The following RIF1 variants were observed in gnomAD, a reference collection of about 807,000 sequenced individuals.
RIF1 encodes the protein telomere-associated protein RIF1.
A neutral mutation model predicts 247.1 loss-of-function variants in RIF1; 45 were observed. That is an observed-to-expected ratio of 0.18 (90% CI 0.14 to 0.23). The LOEUF (loss-of-function observed/expected upper bound fraction) is 0.23. Among genes scored for constraint, RIF1 ranks in the 10% least tolerant of loss-of-function variants. RIF1 has a pLI of 1.00. For synonymous variants in RIF1, 1,087 were observed against 978.8 expected, an observed-to-expected ratio of 1.11 and a Z score of -2.06; for missense variants, 2,967 against 2,862.5, an observed-to-expected ratio of 1.04 and a Z score of -0.83.
At chr2:151,531,051 TG>T in the RIF1 span, 1 of 1,613,688 alleles carries the variant, frequency 6.2e-7, no homozygotes, top group Non-Finnish European at 8.5e-7. Context: ...TGTCGTGGAT[TG>T]TGGTGTAGCC....
rs1288809704 is a variant in RIF1, at chr2:151,464,441, C to G, written c.4921C>G (p.Gln1641Glu). Residue 1641 changes from glutamine to glutamate, a missense_variant, in exon 30 of 36, where the codon CAA becomes GAA. Around this residue, in one of 7 missense-constraint regions of RIF1, gnomAD observed 2,028 missense variants for 1,825.6 expected, o/e 1.11. Transcript: ENST00000444746. ...TTCTACAGTAACTTCAGATTTGTTG[C>G]AAGTTCCTGATGATTTACCAAATGT... ...QDSTVTSDLL[Q>E]VPDDLPNVCE... 1.2e-6 allele frequency: 2 copies of G among 1,613,392 alleles called. No homozygotes were observed. Among genetic ancestry groups the G allele is most frequent in the East Asian group, 2.2e-5 (1 of 44,856 alleles).
chr2:151,520,831 T>C, the RIF1 span, among the ~76,000 whole-genome samples: 1 of 152,078 alleles, frequency 6.6e-6, no homozygotes, highest in African/African-American at 2.4e-5. Flanking sequence ...ACCACTGCAC[T>C]CCATCGTGGG....
chr2:151,459,456 A>G (rs1695779689), intron 25 of RIF1, among the ~76,000 whole-genome samples: 1 of 152,186 alleles, frequency 6.6e-6, no homozygotes, highest in Non-Finnish European at 1.5e-5. Flanking sequence ...AATTTTGTTT[A>G]GAATCTTTGG....
At chr2:151,431,244 A>G (rs1338778929) in intron 9 of RIF1, among the ~76,000 whole-genome samples, 1 of 152,158 alleles carries the variant, frequency 6.6e-6, no homozygotes, top group Non-Finnish European at 1.5e-5. Context: ...GAAGGAGGGA[A>G]GGCAGAAGAG....
chr2:151,450,451 T>A (rs554153191), intron 20 of RIF1, among the ~76,000 whole-genome samples: 7 of 152,326 alleles, frequency 4.6e-5, no homozygotes, highest in African/African-American at 1.7e-4. Flanking sequence ...CATTAGAGAT[T>A]AATGACTACT....
downstream of RIF1, among the ~76,000 whole-genome samples, chr2:151,511,764 G>T (rs2074553158): frequency 6.6e-6 from 1 of 152,164 alleles, no homozygotes; most frequent in South Asian, 2.1e-4. Context: ...GAAGATGATG[G>T]AGAGTTATTC....
At position 151,440,141 on chromosome 2, in the gene RIF1, C is replaced by G; in HGVS notation, c.1647+14C>G. ...TCAAAAACGCTGGTAAGTATAATAC[C>G]CGTATGTTGGACTTTAAAAACCATT... On this transcript the variant is annotated intron_variant, in intron 15 of 35. Coordinates refer to ENST00000444746, the MANE Select transcript of RIF1 (RefSeq NM_018151.5). 7.6e-7 allele frequency: 1 copy of G among 1,322,506 alleles called. No individual in the cohort carries two copies. Among genetic ancestry groups the G allele is most frequent in the Non-Finnish European group, 1.1e-6 (1 of 932,798 alleles). 81.9% of individuals were successfully genotyped at this position (1,322,506 alleles called of 1,614,324 possible). A position where few individuals can be genotyped will look rare whatever the true frequency, so the allele number is the denominator to read the frequency against.
rs1462242349 is a variant in RIF1, at chr2:151,481,941, A to G, written c.*6870A>G. 6.6e-6 allele frequency: 1 copy of G among 152,226 alleles called. No homozygotes were observed. Among genetic ancestry groups the G allele is most frequent in the Non-Finnish European group, 1.5e-5 (1 of 68,050 alleles). 9.4% of individuals were successfully genotyped at this position (152,226 alleles called of 1,614,324 possible). A position where few individuals can be genotyped will look rare whatever the true frequency, so the allele number is the denominator to read the frequency against. On this transcript the variant is annotated 3_prime_UTR_variant, in exon 36 of 36. Coordinates refer to ENST00000444746, the MANE Select transcript of RIF1 (RefSeq NM_018151.5). Reference sequence around the variant, plus strand: ...CTCCACGAAACCGGTCCCTGTTGAAAAAAGGTTAGGGGACCACTGCTTTAT... The same window carrying G: ...CTCCACGAAACCGGTCCCTGTTGAAGAAAGGTTAGGGGACCACTGCTTTAT...
rs1227898998 is a variant in RIF1, at chr2:151,476,112, A to G, written c.*1041A>G. 2.0e-5 allele frequency: 3 copies of G among 152,058 alleles called. No homozygotes were observed. The highest frequency in any genetic ancestry group is 7.3e-5 in the African/African-American group (3 of 41,368). The allele number at this position is 152,058 out of a possible 1,614,324, so 9.4% of individuals were successfully genotyped here. A position where few individuals can be genotyped will look rare whatever the true frequency, so the allele number is the denominator to read the frequency against. On this transcript the variant is annotated 3_prime_UTR_variant, in exon 36 of 36. Coordinates refer to ENST00000444746, the MANE Select transcript of RIF1 (RefSeq NM_018151.5). The stretch of plus-strand genomic sequence containing the variant: ...CTGTTCATACCCTTACCTTCTTACT[A>G]CTTTTGGTTTGGAGGAGGGTATCAC...
chr2:151,527,601 G>A, the RIF1 span: 21 of 1,588,020 alleles, frequency 1.3e-5, no homozygotes, highest in Non-Finnish European at 1.7e-5. Context: ...TTTAACAGGA[G>A]AGAAAGGAAT....
the RIF1 span, chr2:151,519,509 A>G: frequency 1.2e-5 from 8 of 654,524 alleles, no homozygotes; most frequent in Admixed American, 2.9e-5. Flanking sequence ...TAATGGTTAT[A>G]GTTTCTGTTG....
At chr2:151,471,792 G>C (rs1302831875) in intron 34 of RIF1, among the ~76,000 whole-genome samples, 1 of 152,158 alleles carries the variant, frequency 6.6e-6, no homozygotes, top group East Asian at 1.9e-4. Context: ...ATAGTTTGAA[G>C]TCAGGTAGCA....
chr2:151,508,430 G>A (rs774806722), downstream of RIF1, among the ~76,000 whole-genome samples: 2 of 152,214 alleles, frequency 1.3e-5, no homozygotes, highest in Non-Finnish European at 2.9e-5. Context: ...GAGGGAGATG[G>A]GGATGCCTCC....
At chr2:151,532,063 G>A in the RIF1 span, 1 of 581,312 alleles carries the variant, frequency 1.7e-6, no homozygotes, top group Admixed American at 3.1e-5. Flanking sequence ...AAAGTGAAAT[G>A]GAGTGAGCAG....
chr2:151,525,130 G>A, the RIF1 span: 1 of 1,456,748 alleles, frequency 6.9e-7, no homozygotes, highest in South Asian at 1.1e-5. Context: ...TGCTTCAAAT[G>A]GGCCCCCAAG....
intron 23 of RIF1, 73 bp from the exon 24 acceptor site, chr2:151,457,688 T>C: frequency 8.8e-7 from 1 of 1,132,656 alleles, no homozygotes; most frequent in Non-Finnish European, 1.3e-6. Context: ...ATTTTAAAAA[T>C]TGAAATAGCA....
At chr2:151,514,757 T>C in the RIF1 span, 6 of 1,176,374 alleles carry the variant, frequency 5.1e-6, no homozygotes, top group Non-Finnish European at 6.1e-6. Flanking sequence ...AACACATTAA[T>C]GAGTGTCACT....
intron 13 of RIF1, among the ~76,000 whole-genome samples, chr2:151,507,411 C>T (rs759800225): frequency 2.6e-5 from 4 of 152,212 alleles, no homozygotes; most frequent in South Asian, 4.1e-4. Flanking sequence ...TTCTGGCCTT[C>T]TCTGTTTTTT....
At chr2:151,484,016 A>G (rs1431835868), downstream of RIF1, among the ~76,000 whole-genome samples, 1 of 152,234 alleles carries the variant, frequency 6.6e-6, no homozygotes, top group African/African-American at 2.4e-5. Flanking sequence ...ATATAATGTA[A>G]ATGTATGTAA....
Sources: allele counts gnomAD v4.1 joint callset (sites outside exome capture counted in the v4.1 genomes callset), GRCh38; gene constraint gnomAD v4.1.1; regional missense constraint gnomAD v4.1.1; transcripts MANE v1.5; gene names NCBI Gene and HGNC (gene_info 2026-07-23, HGNC 2026-07-21).